The following VWC2L variants were observed in gnomAD, a reference collection of about 807,000 sequenced individuals.
VWC2L encodes von Willebrand factor C domain containing 2 like.
In VWC2L, 10 loss-of-function variants were observed where a neutral mutation model predicts 21.6. That is an observed-to-expected ratio of 0.46 (90% CI 0.29 to 0.78). The LOEUF (loss-of-function observed/expected upper bound fraction) is 0.78, where lower values mean the gene tolerates loss of function less well. Ranked by LOEUF, VWC2L falls within the 30% of genes least tolerant of loss-of-function variation. VWC2L has a pLI of 0.10. For synonymous variants in VWC2L, 96 were observed against 94.3 expected (o/e 1.02, Z -0.10); for missense variants, 209 against 277.1 (o/e 0.75, Z 1.74).
Position 214,414,331 on chromosome 2 carries a change from T to C in VWC2L, c.138T>C (p.Asp46=), listed in dbSNP as rs1380398074. The change falls in exon 2 of 4, where the codon GAT becomes GAC. Residue 46 remains aspartate (D), a synonymous_variant. Transcript: ENST00000312504. ...QISSNDNLIF[D]DYRGKGCVDD... is the part of the protein sequence containing the mutation. ...CCAGTAATGACAATCTGATCTTTGATGACTATCGAGGGAAAGGGTGTGTCG... is the reference window on the plus strand; with the variant it reads ...CCAGTAATGACAATCTGATCTTTGACGACTATCGAGGGAAAGGGTGTGTCG... 1.9e-6 allele frequency: 3 copies of C among 1,613,864 alleles called. No homozygotes were observed. In the Admixed American group the frequency reaches 5.0e-5, roughly 27 times the overall value.
chr2:214,490,822 A>C (rs1237458058), intron 3 of VWC2L, among the ~76,000 whole-genome samples: 3 of 152,318 alleles, frequency 2.0e-5, no homozygotes, highest in Middle Eastern at 3.4e-3. Flanking sequence ...ACAGAGAAAA[A>C]GAAGGTAAGG....
chr2:214,447,546 G>A (rs747361153), intron 3 of VWC2L, among the ~76,000 whole-genome samples: 2 of 152,046 alleles, frequency 1.3e-5, no homozygotes, highest in East Asian at 1.9e-4. Flanking sequence ...AGCCAACCGC[G>A]CCCTACCACC....
intron 3 of VWC2L, among the ~76,000 whole-genome samples, chr2:214,542,260 A>C (rs1471765076): frequency 6.6e-6 from 1 of 152,206 alleles, no homozygotes; most frequent in Non-Finnish European, 1.5e-5. Context: ...CCAAGCTCTC[A>C]GACAGCTTGG....
chr2:214,529,676 G>A (rs1039028984), intron 3 of VWC2L, among the ~76,000 whole-genome samples: 8 of 152,082 alleles, frequency 5.3e-5, no homozygotes, highest in Admixed American at 5.2e-4. Context: ...AAATTATGAA[G>A]CTTTTCTACA....
At chr2:214,571,555 A>G (rs1332365306) in intron 3 of VWC2L, among the ~76,000 whole-genome samples, 4 of 152,212 alleles carry the variant, frequency 2.6e-5, no homozygotes, top group Non-Finnish European at 5.9e-5. Context: ...CACTTCCAAT[A>G]TATAATTAGT....
chr2:214,547,895 A>G (rs1179797199), intron 3 of VWC2L, among the ~76,000 whole-genome samples: 1 of 152,238 alleles, frequency 6.6e-6, no homozygotes, highest in Non-Finnish European at 1.5e-5. Flanking sequence ...CACAGTGAAT[A>G]GTATGCCATA....
chr2:214,495,399 T>C (rs1448629418), intron 3 of VWC2L, among the ~76,000 whole-genome samples: 1 of 152,216 alleles, frequency 6.6e-6, no homozygotes, highest in African/African-American at 2.4e-5. Flanking sequence ...TTGTTTCATC[T>C]GAAATGACAG....
intron 3 of VWC2L, among the ~76,000 whole-genome samples, chr2:214,497,606 T>C (rs1688830116): frequency 6.6e-6 from 1 of 152,234 alleles, no homozygotes; most frequent in Non-Finnish European, 1.5e-5. Context: ...TATAATCTGC[T>C]GTCCATTTCT....
At chr2:214,464,041 T>C (rs558951914) in intron 3 of VWC2L, among the ~76,000 whole-genome samples, 66 of 152,118 alleles carry the variant, frequency 4.3e-4, no homozygotes, top group Non-Finnish European at 8.4e-4. Context: ...GTTAGAACTC[T>C]GGATTCCTTC....
At chr2:214,473,365 G>T (rs1302522730) in intron 3 of VWC2L, among the ~76,000 whole-genome samples, 1 of 152,106 alleles carries the variant, frequency 6.6e-6, no homozygotes, top group Non-Finnish European at 1.5e-5. Flanking sequence ...GTTTATTATT[G>T]CTCATATAAA....
chr2:214,544,610 C>G (rs1426439424), intron 3 of VWC2L, among the ~76,000 whole-genome samples: 1 of 152,082 alleles, frequency 6.6e-6, no homozygotes, highest in Non-Finnish European at 1.5e-5. Context: ...GGTAACCAAA[C>G]AAGTGATTGA....
At chr2:214,486,243 C>T (rs1688670893) in intron 3 of VWC2L, among the ~76,000 whole-genome samples, 1 of 152,124 alleles carries the variant, frequency 6.6e-6, no homozygotes, top group East Asian at 1.9e-4. Flanking sequence ...AGTTAAGTGG[C>T]TTAGTTTAAT....
chr2:214,466,011 AG>A (rs1233150806), intron 3 of VWC2L, among the ~76,000 whole-genome samples: 1 of 152,108 alleles, frequency 6.6e-6, no homozygotes, highest in Non-Finnish European at 1.5e-5. Flanking sequence ...AGGATGTGGG[AG>A]GGGTGGCATC....
chr2:214,513,654 G>A (rs1380092351), intron 3 of VWC2L, among the ~76,000 whole-genome samples: 2 of 151,982 alleles, frequency 1.3e-5, no homozygotes, highest in African/African-American at 4.8e-5. Context: ...TAATTTTGGA[G>A]GACCTATTTA....
intron 3 of VWC2L, among the ~76,000 whole-genome samples, chr2:214,477,529 C>A (rs1688542318): frequency 6.6e-6 from 1 of 152,196 alleles, no homozygotes; most frequent in African/African-American, 2.4e-5. Flanking sequence ...TCATCACCAT[C>A]CCTGGAACCT....
intron 3 of VWC2L, among the ~76,000 whole-genome samples, chr2:214,440,550 G>T (rs1401585348): frequency 1.3e-5 from 2 of 151,906 alleles, no homozygotes; most frequent in Non-Finnish European, 2.9e-5. Flanking sequence ...AAAACATTAT[G>T]GTTTGGAATG....
chr2:214,437,943 T>C (rs947504977), intron 3 of VWC2L, among the ~76,000 whole-genome samples: 1 of 151,732 alleles, frequency 6.6e-6, no homozygotes, highest in African/African-American at 2.4e-5. Flanking sequence ...AACTTGAATA[T>C]TAAGTTGCTC....
intron 3 of VWC2L, among the ~76,000 whole-genome samples, chr2:214,486,329 A>G (rs1443063921): frequency 3.3e-5 from 5 of 152,208 alleles, no homozygotes; most frequent in Admixed American, 3.3e-4. Flanking sequence ...CTTAGCACCA[A>G]TGCATGTGAG....
intron 3 of VWC2L, among the ~76,000 whole-genome samples, chr2:214,490,452 G>C (rs961416409): frequency 6.6e-6 from 1 of 151,926 alleles, no homozygotes; most frequent in African/African-American, 2.4e-5. Context: ...GCTGCTCAAA[G>C]TCACATTGAA....
Sources: gnomAD v4.1 joint callset for allele counts (sites outside exome capture counted in the v4.1 genomes callset) on GRCh38, gnomAD v4.1.1 for gene constraint, MANE v1.5 for transcripts, NCBI Gene and HGNC (gene_info 2026-07-23, HGNC 2026-07-21) for gene names.